DYSF: variants seen among roughly 807,000 people sequenced by gnomAD.
The protein encoded by DYSF is dystrophy-associated fer-1-like 1.
Under a neutral mutation model 274.9 loss-of-function variants are expected in DYSF, and 212 were observed. The observed-to-expected ratio is 0.77, with a 90% CI of 0.69 to 0.86. The LOEUF is 0.86. DYSF is among the 40% of genes least tolerant of loss of function. The probability of loss-of-function intolerance (pLI) is 0.00; values close to 1 mark genes in which losing one functional copy is unlikely to be tolerated. For missense variants in DYSF, 2,666 were observed against 2,783.2 expected, an observed-to-expected ratio of 0.96 and a Z score of 0.95; for synonymous variants, 1,091 against 1,078.7, an observed-to-expected ratio of 1.01 and a Z score of -0.22.
chr2:71,630,348 G>T (rs1275938155), intron 41 of DYSF, among the ~76,000 whole-genome samples: 2 of 152,302 alleles, frequency 1.3e-5, no homozygotes, highest in East Asian at 3.9e-4. Flanking sequence ...GGTAGTCAGG[G>T]GTTAGCTAGG....
chr2:71,569,116 C>T lies in DYSF; in HGVS notation c.2865-704C>T, dbSNP rs552852841. ...GTCTCGATCTCCTGACCTGGTGATC[C>T]ACCCGCCTCGGCCTCCCAAAGTGCT... is the stretch of plus-strand genomic sequence containing the variant. On this transcript the variant is annotated intron_variant, in intron 26 of 55. Transcript: ENST00000410020. Among the ~76,000 whole-genome samples, 6 of 152,226 alleles carry T rather than the reference C, an allele frequency of 3.9e-5. No homozygotes were observed. The East Asian group carries it at 1.2e-3, about 29-fold the overall frequency.
intron 1 of DYSF, among the ~76,000 whole-genome samples, chr2:71,476,756 A>T (rs2082423811): frequency 6.6e-6 from 1 of 151,856 alleles, no homozygotes; most frequent in Non-Finnish European, 1.5e-5. Context: ...GCTGCACATC[A>T]CAAAATGATG....
At chr2:71,515,354 G>A (rs778200152) in intron 7 of DYSF, among the ~76,000 whole-genome samples, 107 of 152,208 alleles carry the variant, frequency 7.0e-4, no homozygotes, top group South Asian at 1.5e-3. Flanking sequence ...AATGGGGGCT[G>A]TATCTGCCCA....
At chr2:71,549,788 C>G (rs558624673) in intron 17 of DYSF, among the ~76,000 whole-genome samples, 1 of 152,134 alleles carries the variant, frequency 6.6e-6, no homozygotes, top group Non-Finnish European at 1.5e-5. Context: ...GTTGAAATCC[C>G]CAAGGTAAAT....
In DYSF at chr2:71,467,076, GC is replaced by G; in HGVS notation, c.91+147del. The G allele has an allele frequency of 2.4e-6, 3 of 1,238,718 alleles. No individual in the cohort carries two copies. In the African/African-American group the frequency reaches 4.5e-5, roughly 19 times the overall value. The allele number at this position is 1,238,718 out of a possible 1,614,324, so 76.7% of individuals were successfully genotyped here. A position where few individuals can be genotyped will look rare whatever the true frequency, so the allele number is the denominator to read the frequency against. On this transcript the variant is annotated intron_variant, in intron 1 of 55. Coordinates refer to ENST00000410020, the MANE Select transcript of DYSF (RefSeq NM_001130987.2). ...TTTGTCAGCAGGGACGGAAATCCCA[GC>G]CCCGACTTCTGCAGGGGGGCGATGA... is the stretch of plus-strand genomic sequence containing the variant.
intron 15 of DYSF, 24 bp downstream of exon 15, chr2:71,535,113 C>T: frequency 6.2e-7 from 1 of 1,613,720 alleles, no homozygotes; most frequent in Non-Finnish European, 8.5e-7. Context: ...CCCCAGCAAA[C>T]CCAAGGAGGC....
chr2:71,537,223 G>GTTTTTTTTTTTTTTTTTT (rs71402990), intron 16 of DYSF, among the ~76,000 whole-genome samples: 1 of 79,624 alleles, frequency 1.3e-5, no homozygotes, highest in African/African-American at 4.7e-5. Flanking sequence ...TTCTAGTTTT[G>GTTTTTTTTTTTTTTTTTT]TTTTTTTTTT....
intron 4 of DYSF, among the ~76,000 whole-genome samples, chr2:71,509,844 C>T (rs183048067): frequency 2.6e-5 from 4 of 152,012 alleles, no homozygotes; most frequent in Non-Finnish European, 4.4e-5. Flanking sequence ...GTGGTGTGAT[C>T]GACTCATTGC....
chr2:71,502,792 C>T (rs1573561281), intron 3 of DYSF, among the ~76,000 whole-genome samples: 1 of 152,142 alleles, frequency 6.6e-6, no homozygotes, highest in African/African-American at 2.4e-5. Context: ...CCTGGGATTC[C>T]AATACAGACG....
intron 1 of DYSF, among the ~76,000 whole-genome samples, chr2:71,470,292 C>A (rs2081893897): frequency 6.6e-6 from 1 of 152,200 alleles, no homozygotes; most frequent in Non-Finnish European, 1.5e-5. Context: ...TCAGGGAACA[C>A]TCTTAACTCA....
At position 71,457,721 on chromosome 2, in the gene DYSF, T is replaced by C. The variant is rs930526284; in HGVS notation, c.88+3635T>C. The stretch of plus-strand genomic sequence containing the variant: ...ATAGGACCAATCAGTCACCAGTTGA[T>C]GCAGGACGCTCCCTCCAGGCAGTGC... On this transcript the variant is annotated intron_variant, in intron 1 of 54. Coordinates refer to the DYSF transcript ENST00000258104. Among the ~76,000 whole-genome samples the C allele has an allele frequency of 9.2e-5, 14 of 152,328 alleles. 1 individual carries two copies. The highest frequency in any genetic ancestry group is 3.4e-3 in the Middle Eastern group (1 of 294).
chr2:71,611,433 T>C, intron 37 of DYSF, 32 bp from the exon 38 acceptor site: 1 of 1,614,080 alleles, frequency 6.2e-7, no homozygotes, highest in Non-Finnish European at 8.5e-7. Context: ...CCCGGGGCCT[T>C]CTGAGCCACT....
intron 17 of DYSF, among the ~76,000 whole-genome samples, chr2:71,539,725 A>G (rs1030564942): frequency 6.6e-6 from 1 of 152,222 alleles, no homozygotes; most frequent in Non-Finnish European, 1.5e-5. Context: ...TTCTGTATGT[A>G]TGTATATATG....
chr2:71,480,523 C>T (rs2082796690), intron 1 of DYSF, among the ~76,000 whole-genome samples: 1 of 152,082 alleles, frequency 6.6e-6, no homozygotes, highest in African/African-American at 2.4e-5. Flanking sequence ...CATCGCACTC[C>T]AGCCTGGGCA....
intron 24 of DYSF, among the ~76,000 whole-genome samples, chr2:71,565,396 C>A (rs928718856): frequency 6.6e-6 from 1 of 152,038 alleles, no homozygotes; most frequent in African/African-American, 2.4e-5. Flanking sequence ...GCCCTCCTTA[C>A]CTCTTTTCAT....
chr2:71,553,970 A>G lies in DYSF; in HGVS notation c.2109+39A>G, dbSNP rs576205840. 33 of 1,613,916 alleles carry G rather than the reference A, an allele frequency of 2.0e-5. 2 individuals carry two copies. The South Asian group carries it at 3.6e-4, about 18-fold the overall frequency. The stretch of plus-strand genomic sequence containing the variant: ...TGCCCAAAGCTGCACATGCCTATGC[A>G]TGCACCTGCTACCCCCGCTGCATGG... On this transcript the variant is annotated intron_variant, in intron 21 of 55. Coordinates refer to ENST00000410020, the MANE Select transcript of DYSF (RefSeq NM_001130987.2).
Position 71,466,847 on chromosome 2 carries a change from T to G in DYSF, c.5T>G (p.Leu2Arg). 2 of 1,531,564 alleles carry G rather than the reference T, an allele frequency of 1.3e-6. No homozygotes were observed. The highest frequency in any genetic ancestry group is 1.8e-6 in the Non-Finnish European group (2 of 1,132,128). The allele number at this position is 1,531,564 out of a possible 1,614,324, so 94.9% of individuals were successfully genotyped here. A position where few individuals can be genotyped will look rare whatever the true frequency, so the allele number is the denominator to read the frequency against. The part of the protein sequence containing the change: M[L>R]CCLLVRASNL... ...TGCCGCCGGGGCTGCCCAGCCATGCTGTGCTGCCTGCTGGTGAGGGCCAGC... is the reference window on the plus strand; with the variant it reads ...TGCCGCCGGGGCTGCCCAGCCATGCGGTGCTGCCTGCTGGTGAGGGCCAGC... The change falls in exon 1 of 56, where the codon CTG becomes CGG. Residue 2 changes from leucine (L) to arginine (R), a missense_variant. This residue lies in a region of DYSF where 794 missense variants were observed against 777.1 expected (regional missense o/e 1.02). Transcript: ENST00000410020.
intron 55 of DYSF, among the ~76,000 whole-genome samples, chr2:71,685,294 A>C (rs1393593896): frequency 1.3e-5 from 2 of 152,214 alleles, no homozygotes; most frequent in Non-Finnish European, 2.9e-5. Flanking sequence ...CCTCTTTAAA[A>C]TATGGACCCT....
rs1327310513 is a variant in DYSF, at chr2:71,590,285, T to C, written c.3571T>C (p.Ser1191Pro). The C allele has an allele frequency of 6.2e-6, 10 of 1,614,162 alleles. No homozygotes were observed. Among genetic ancestry groups the C allele is most frequent in the Non-Finnish European group, 7.6e-6 (9 of 1,180,000 alleles). Residue 1191 changes from serine (S) to proline (P), a missense_variant, in exon 32 of 56, where the codon TCT (serine) becomes CCT (proline). By Grantham distance (74) the Ser-to-Pro change is moderately conservative (BLOSUM62 -1). Around this residue, in one of 3 missense-constraint regions of DYSF, gnomAD observed 1,460 missense variants for 1,502.1 expected, o/e 0.97. Coordinates refer to ENST00000410020, the MANE Select transcript of DYSF (RefSeq NM_001130987.2). The part of the protein sequence containing the change: ...DLAAMDKDSF[S>P]DPYAIVSFLH... ...GGCTGCGATGGACAAGGACTCTTTTTCTGGTAGGTGGGAGAGAGGCAGGAG... is the reference window on the plus strand; with the variant it reads ...GGCTGCGATGGACAAGGACTCTTTTCCTGGTAGGTGGGAGAGAGGCAGGAG...
Sources: allele counts gnomAD v4.1 joint callset (sites outside exome capture counted in the v4.1 genomes callset), GRCh38; gene constraint gnomAD v4.1.1; regional missense constraint gnomAD v4.1.1; transcripts MANE v1.5; gene names NCBI Gene and HGNC (gene_info 2026-07-23, HGNC 2026-07-21).